Variants in NDUFA12 observed in about 807,000 individuals in gnomAD.
The protein encoded by NDUFA12 is NADH dehydrogenase [ubiquinone] 1 alpha subcomplex subunit 12.
A neutral mutation model predicts 20.3 loss-of-function variants in NDUFA12; 17 were observed. The ratio of observed to expected loss-of-function variants is 0.84; its 90% confidence interval spans 0.57 to 1.26. The LOEUF (loss-of-function observed/expected upper bound fraction) is 1.26, where lower values mean the gene tolerates loss of function less well. Among genes scored for constraint, NDUFA12 ranks in the 50% most tolerant of loss-of-function variants. NDUFA12 has a pLI of 0.00. For missense variants in NDUFA12, 191 were observed against 183.7 expected (o/e 1.04, Z -0.23); for synonymous variants, 72 against 63.6 (o/e 1.13, Z -0.63).
intron 3 of NDUFA12, among the ~76,000 whole-genome samples, chr12:94,978,026 C>T (rs1874113366): frequency 1.3e-5 from 2 of 150,644 alleles, no homozygotes. Context: ...AGTATGTTCA[C>T]TGTTCAAGGA....
At chr12:94,984,957 A>T (rs1874371482) in intron 3 of NDUFA12, among the ~76,000 whole-genome samples, 1 of 133,190 alleles carries the variant, frequency 7.5e-6, no homozygotes, top group Admixed American at 7.4e-5. Flanking sequence ...CAGCCTGGCA[A>T]CAGAGCGAGA....
At chr12:94,975,951 C>T (rs920153800) in intron 3 of NDUFA12, among the ~76,000 whole-genome samples, 1 of 151,898 alleles carries the variant, frequency 6.6e-6, no homozygotes, top group African/African-American at 2.4e-5. Context: ...GAGGCTGAGG[C>T]AGGGATCACA....
chr12:94,996,980 T>C, intron 2 of NDUFA12: 1 of 396,774 alleles, frequency 2.5e-6, no homozygotes, highest in Non-Finnish European at 4.9e-6. Flanking sequence ...TCTTCATCTA[T>C]AAAACAATAG....
At chr12:94,976,851 C>T (rs1874078877) in intron 3 of NDUFA12, among the ~76,000 whole-genome samples, 1 of 152,152 alleles carries the variant, frequency 6.6e-6, no homozygotes, top group African/African-American at 2.4e-5. Context: ...CCACATTCCA[C>T]ATATGGAATT....
chr12:94,986,459 C>CTT lies in NDUFA12; in HGVS notation c.257+7710_257+7711insAA, dbSNP rs564722318. ...AAAATAATTTTAAGTGTTTTTACCA[C>CTT]AAAAAAATGATAAGTATGTGAGGTA... On this transcript the variant is annotated intron_variant, in intron 3 of 3. Transcript: ENST00000327772. Among the ~76,000 whole-genome samples, 171 of 151,984 alleles carry CTT rather than the reference C, an allele frequency of 1.1e-3. 2 individuals are homozygous for CTT. Among genetic ancestry groups the CTT allele is most frequent in the African/African-American group, 3.1e-3 (128 of 41,446 alleles).
chr12:94,987,495 AG>A (rs1356821954), intron 3 of NDUFA12, among the ~76,000 whole-genome samples: 3 of 152,182 alleles, frequency 2.0e-5, no homozygotes, highest in African/African-American at 7.2e-5. Flanking sequence ...GCTGAGTTAA[AG>A]GCACTTGAAC....
At chr12:94,999,840 G>A (rs1044370758) in intron 2 of NDUFA12, among the ~76,000 whole-genome samples, 1 of 152,168 alleles carries the variant, frequency 6.6e-6, no homozygotes, top group African/African-American at 2.4e-5. Context: ...TGGTAGTGTG[G>A]ATGTGGTGAA....
intron 2 of NDUFA12, among the ~76,000 whole-genome samples, chr12:94,995,377 A>G (rs1015676323): frequency 2.6e-5 from 4 of 152,154 alleles, no homozygotes; most frequent in African/African-American, 9.7e-5. Context: ...GACCTTGGGA[A>G]AGGTTTCATA....
intron 3 of NDUFA12, among the ~76,000 whole-genome samples, chr12:94,993,653 A>AAAAAAAAAAAAC (rs1874721375): frequency 9.0e-6 from 1 of 111,532 alleles, no homozygotes; most frequent in Non-Finnish European, 1.8e-5. Flanking sequence ...AAAAAAAAAA[A>AAAAAAAAAAAAC]GCCAGGCACG....
chr12:95,002,551 G>A (rs759279859), intron 2 of NDUFA12, among the ~76,000 whole-genome samples, 188 bp downstream of exon 2: 88 of 151,500 alleles, frequency 5.8e-4, no homozygotes, highest in Non-Finnish European at 8.8e-4. Context: ...GTGAGAATGA[G>A]CATTTTTCCA....
chr12:94,992,862 C>T (rs1206179784), intron 3 of NDUFA12, among the ~76,000 whole-genome samples: 3 of 152,062 alleles, frequency 2.0e-5, no homozygotes, highest in South Asian at 2.1e-4. Flanking sequence ...TAGCCACCCT[C>T]GTTTTATCTT....
At chr12:94,980,011 G>A (rs1383857920) in intron 3 of NDUFA12, among the ~76,000 whole-genome samples, 8 of 151,990 alleles carry the variant, frequency 5.3e-5, no homozygotes, top group East Asian at 1.9e-4. Context: ...CAAATCACAC[G>A]GACATTTTTC....
chr12:94,990,417 G>C (rs1874600044), intron 3 of NDUFA12, among the ~76,000 whole-genome samples: 1 of 152,080 alleles, frequency 6.6e-6, no homozygotes, highest in African/African-American at 2.4e-5. Flanking sequence ...CTCACGGTAA[G>C]AACCAAAGAG....
chr12:95,003,510 G>A (rs1875139514), intron 1 of NDUFA12, 85 bp downstream of exon 1: 1 of 1,400,544 alleles, frequency 7.1e-7, no homozygotes, highest in Non-Finnish European at 1.0e-6. Context: ...ATTCTCCAAG[G>A]TGACCCGAGC....
At chr12:94,995,579 G>A (rs1874796385) in intron 2 of NDUFA12, among the ~76,000 whole-genome samples, 2 of 152,092 alleles carry the variant, frequency 1.3e-5, no homozygotes, top group South Asian at 4.2e-4. Flanking sequence ...GCCTAGGCTG[G>A]AGTGCAATGG....
intron 3 of NDUFA12, among the ~76,000 whole-genome samples, chr12:94,982,122 C>T (rs752794602): frequency 6.6e-6 from 1 of 152,174 alleles, no homozygotes; most frequent in Admixed American, 6.5e-5. Flanking sequence ...CTATCATAGG[C>T]CACACTTGGC....
chr12:94,986,230 G>C (rs10859816), intron 3 of NDUFA12, among the ~76,000 whole-genome samples: 70,111 of 151,516 alleles, frequency 0.46, 17,005 homozygotes, highest in African/African-American at 0.6. Context: ...GACAGAACAA[G>C]ACCCTGTCTT....
chr12:94,999,868 C>A (rs1450941112), intron 2 of NDUFA12, among the ~76,000 whole-genome samples: 3 of 152,158 alleles, frequency 2.0e-5, no homozygotes, highest in Non-Finnish European at 4.4e-5. Flanking sequence ...CACTTTTACA[C>A]TGCTGTTGGG....
intron 3 of NDUFA12, among the ~76,000 whole-genome samples, chr12:94,982,134 T>C (rs7305503): frequency 0.87 from 132,352 of 152,210 alleles, 57,643 homozygotes; most frequent in Admixed American, 0.9. Flanking sequence ...ACACTTGGCA[T>C]CTGAGAACTC....
Sources: gnomAD v4.1 joint callset for allele counts (sites outside exome capture counted in the v4.1 genomes callset) on GRCh38, gnomAD v4.1.1 for gene constraint, MANE v1.5 for transcripts, NCBI Gene and HGNC (gene_info 2026-07-23, HGNC 2026-07-21) for gene names.